CA10: variants seen among roughly 807,000 people sequenced by gnomAD.
The protein encoded by CA10 is carbonic anhydrase 10 (inactive), also known as carbonic anhydrase-related protein 10.
In CA10, 14 loss-of-function variants were observed where a neutral mutation model predicts 44.2. The observed-to-expected ratio is 0.32, with a 90% CI of 0.21 to 0.50. The LOEUF (loss-of-function observed/expected upper bound fraction) is 0.50. Among genes scored for constraint, CA10 ranks in the 20% least tolerant of loss-of-function variants. CA10 has a pLI of 0.99. For missense variants in CA10, 350 were observed against 409.7 expected, an observed-to-expected ratio of 0.85 and a Z score of 1.26; for synonymous variants, 159 against 141.6, an observed-to-expected ratio of 1.12 and a Z score of -0.87.
intron 4 of CA10, among the ~76,000 whole-genome samples, chr17:51,736,072 C>T (rs1195110893): frequency 5.3e-5 from 8 of 152,020 alleles, no homozygotes. Context: ...TTTTTGTATG[C>T]AAACCATACC....
At chr17:51,859,765 T>C (rs554842547) in intron 3 of CA10, among the ~76,000 whole-genome samples, 4 of 152,214 alleles carry the variant, frequency 2.6e-5, no homozygotes, top group Admixed American at 1.3e-4. Context: ...CAAAAGGGCA[T>C]TGTAAAGTAT....
intron 3 of CA10, among the ~76,000 whole-genome samples, chr17:51,926,797 T>G (rs1404095800): frequency 2.0e-5 from 3 of 152,306 alleles, no homozygotes; most frequent in African/African-American, 7.2e-5. Flanking sequence ...ATCCTATATT[T>G]AATCATATCT....
intron 4 of CA10, among the ~76,000 whole-genome samples, chr17:51,669,340 T>C (rs1052413654): frequency 6.6e-6 from 1 of 152,110 alleles, no homozygotes; most frequent in Non-Finnish European, 1.5e-5. Context: ...AGTGGGGACT[T>C]GGAGAACTTT....
At chr17:51,859,048 A>AT (rs1300354792) in intron 3 of CA10, among the ~76,000 whole-genome samples, 4 of 151,546 alleles carry the variant, frequency 2.6e-5, no homozygotes, top group Non-Finnish European at 5.9e-5. Context: ...ATGTTAGTTA[A>AT]TTATTAATTA....
At chr17:52,045,580 T>G (rs192586610) in intron 2 of CA10, among the ~76,000 whole-genome samples, 2 of 152,134 alleles carry the variant, frequency 1.3e-5, no homozygotes, top group Admixed American at 1.3e-4. Flanking sequence ...GGTTTCCATA[T>G]GCTAATAAGA....
intron 3 of CA10, among the ~76,000 whole-genome samples, chr17:51,847,765 T>C (rs1460222732): frequency 6.6e-6 from 1 of 152,102 alleles, no homozygotes; most frequent in Non-Finnish European, 1.5e-5. Context: ...TAACCAAAGC[T>C]TCTAGACAGC....
intron 2 of CA10, among the ~76,000 whole-genome samples, chr17:51,937,702 G>C (rs1402258074): frequency 1.3e-5 from 2 of 152,118 alleles, no homozygotes; most frequent in African/African-American, 4.8e-5. Context: ...CACTCAGTAT[G>C]GTGGGAAGAT....
chr17:51,716,256 C>T (rs748830481), intron 4 of CA10, among the ~76,000 whole-genome samples: 52 of 152,168 alleles, frequency 3.4e-4, no homozygotes, highest in Admixed American at 2.0e-3. Flanking sequence ...CAAATGAGAT[C>T]GAGTGATATA....
At chr17:52,083,153 G>C (rs1988026964) in intron 1 of CA10, among the ~76,000 whole-genome samples, 1 of 151,744 alleles carries the variant, frequency 6.6e-6, no homozygotes, top group Non-Finnish European at 1.5e-5. Context: ...AAATCAATGG[G>C]TCAGTCAATT....
chr17:51,931,478 T>G (rs1982657360), intron 2 of CA10, among the ~76,000 whole-genome samples: 1 of 152,156 alleles, frequency 6.6e-6, no homozygotes, highest in African/African-American at 2.4e-5. Context: ...TATTTAGCAA[T>G]TCCCTGGAGT....
chr17:51,970,163 G>A (rs1192833555), intron 2 of CA10, among the ~76,000 whole-genome samples: 1 of 152,018 alleles, frequency 6.6e-6, no homozygotes, highest in African/African-American at 2.4e-5. Context: ...GTCCAATTCT[G>A]AGCTACCCAA....
intron 4 of CA10, among the ~76,000 whole-genome samples, chr17:51,741,482 C>T (rs900139703): frequency 6.6e-6 from 1 of 152,194 alleles, no homozygotes; most frequent in Non-Finnish European, 1.5e-5. Flanking sequence ...CATATAAACA[C>T]TCCATCTTCA....
At chr17:51,890,697 A>T (rs1980818152) in intron 3 of CA10, among the ~76,000 whole-genome samples, 1 of 152,178 alleles carries the variant, frequency 6.6e-6, no homozygotes, top group Non-Finnish European at 1.5e-5. Flanking sequence ...CATAGTTTCA[A>T]ACCCGTAAAA....
intron 2 of CA10, among the ~76,000 whole-genome samples, chr17:51,941,938 C>G (rs1028529330): frequency 4.6e-5 from 7 of 152,066 alleles, no homozygotes; most frequent in African/African-American, 1.4e-4. Context: ...CCCTTTAACA[C>G]TCACTCTCTC....
intron 3 of CA10, among the ~76,000 whole-genome samples, chr17:51,802,308 G>A (rs1451553725): frequency 2.6e-5 from 4 of 152,100 alleles, no homozygotes; most frequent in South Asian, 2.1e-4. Flanking sequence ...CATGATAGTG[G>A]AGCAATTTAT....
At chr17:51,987,304 C>T (rs1052200858) in intron 2 of CA10, among the ~76,000 whole-genome samples, 3 of 151,994 alleles carry the variant, frequency 2.0e-5, no homozygotes, top group Non-Finnish European at 2.9e-5. Flanking sequence ...TATATTCTCA[C>T]TCATCAGTGG....
At chr17:51,979,292 GAACA>G (rs1399523571) in intron 2 of CA10, among the ~76,000 whole-genome samples, 4 of 152,132 alleles carry the variant, frequency 2.6e-5, no homozygotes, top group African/African-American at 9.6e-5. Flanking sequence ...CTTGTACCCA[GAACA>G]AATATCTTAG....
intron 3 of CA10, among the ~76,000 whole-genome samples, chr17:51,863,111 A>G (rs1309247985): frequency 6.6e-6 from 1 of 152,212 alleles, no homozygotes; most frequent in East Asian, 1.9e-4. Context: ...TATGAACCAC[A>G]ATAACTTCTC....
intron 1 of CA10, among the ~76,000 whole-genome samples, chr17:52,150,720 C>A (rs937203179): frequency 6.6e-6 from 1 of 152,102 alleles, no homozygotes; most frequent in Admixed American, 6.5e-5. Flanking sequence ...TGTTTTATGT[C>A]AAATAGTGTA....
Sources: allele counts gnomAD v4.1 joint callset (sites outside exome capture counted in the v4.1 genomes callset), GRCh38; gene constraint gnomAD v4.1.1; transcripts MANE v1.5; gene names NCBI Gene and HGNC (gene_info 2026-07-23, HGNC 2026-07-21).